MACROD2: variants seen among roughly 807,000 people sequenced by gnomAD.
The protein encoded by MACROD2 is ADP-ribose glycohydrolase MACROD2.
MACROD2 carries 36 observed loss-of-function variants against 70.4 expected under a neutral mutation model. That is an observed-to-expected ratio of 0.51 (90% CI 0.39 to 0.68). MACROD2 has a LOEUF of 0.68. Among genes scored for constraint, MACROD2 ranks in the 30% least tolerant of loss-of-function variants. The pLI, the probability that MACROD2 is intolerant of heterozygous loss-of-function variation, is 0.00. For missense variants in MACROD2, 496 were observed against 538.4 expected (o/e 0.92, Z 0.78); for synonymous variants, 172 against 178.8 (o/e 0.96, Z 0.30).
chr20:14,600,674 C>T (rs1252464663), intron 4 of MACROD2, among the ~76,000 whole-genome samples: 6 of 152,048 alleles, frequency 3.9e-5, no homozygotes, highest in East Asian at 3.9e-4. Flanking sequence ...AGGATTTGAA[C>T]GCAGGCACAC....
intron 8 of MACROD2, among the ~76,000 whole-genome samples, chr20:15,600,783 G>GA (rs542119687): frequency 2.6e-5 from 4 of 152,040 alleles, no homozygotes; most frequent in Non-Finnish European, 2.9e-5. Flanking sequence ...GATATCTGCA[G>GA]AAAAAAAATG....
intron 6 of MACROD2, among the ~76,000 whole-genome samples, chr20:15,392,169 T>A (rs1188500940): frequency 6.6e-6 from 1 of 152,194 alleles, no homozygotes; most frequent in Non-Finnish European, 1.5e-5. Context: ...AAAGGTACCA[T>A]TGCAAGAAGA....
At chr20:14,659,438 T>C (rs1239686285) in intron 4 of MACROD2, among the ~76,000 whole-genome samples, 1 of 152,174 alleles carries the variant, frequency 6.6e-6, no homozygotes, top group Non-Finnish European at 1.5e-5. Flanking sequence ...CCTTTCGATG[T>C]CTTTTGAGGG....
At chr20:14,960,560 T>G (rs1406919012) in intron 5 of MACROD2, among the ~76,000 whole-genome samples, 1 of 152,220 alleles carries the variant, frequency 6.6e-6, no homozygotes, top group Non-Finnish European at 1.5e-5. Flanking sequence ...CTGCAATGCA[T>G]CTACCATATT....
chr20:15,346,512 C>T (rs1052688559), intron 6 of MACROD2, among the ~76,000 whole-genome samples: 2 of 152,130 alleles, frequency 1.3e-5, no homozygotes, highest in Non-Finnish European at 2.9e-5. Context: ...CTGAACTAGG[C>T]TCTTTCCATT....
chr20:14,807,212 G>T (rs1195407671), intron 5 of MACROD2, among the ~76,000 whole-genome samples: 1 of 152,106 alleles, frequency 6.6e-6, no homozygotes, highest in Non-Finnish European at 1.5e-5. Context: ...CGTCTAGCAG[G>T]TGCCCCTCTG....
chr20:14,733,611 A>T (rs929120066), intron 5 of MACROD2, among the ~76,000 whole-genome samples: 4 of 152,338 alleles, frequency 2.6e-5, no homozygotes, highest in African/African-American at 7.2e-5. Flanking sequence ...AAATCTACAC[A>T]CAGATAACTC....
At chr20:15,485,767 G>A (rs1488799360) in intron 7 of MACROD2, among the ~76,000 whole-genome samples, 1 of 152,116 alleles carries the variant, frequency 6.6e-6, no homozygotes, top group African/African-American at 2.4e-5. Context: ...GTCTGTTTGA[G>A]GGAAATGGTA....
At chr20:14,685,752 C>G (rs1249623772) in intron 5 of MACROD2, among the ~76,000 whole-genome samples, 1 of 152,140 alleles carries the variant, frequency 6.6e-6, no homozygotes, top group Non-Finnish European at 1.5e-5. Flanking sequence ...TGTTGATTAT[C>G]ACATTCGTCC....
chr20:15,979,143 G>C (rs2066356666), intron 13 of MACROD2, among the ~76,000 whole-genome samples: 1 of 152,156 alleles, frequency 6.6e-6, no homozygotes, highest in South Asian at 2.1e-4. Flanking sequence ...AAGATGAGGG[G>C]TTATATAAGT....
At chr20:15,848,195 C>T (rs144028635) in intron 8 of MACROD2, among the ~76,000 whole-genome samples, 6 of 151,644 alleles carry the variant, frequency 4.0e-5, no homozygotes, top group African/African-American at 1.5e-4. Context: ...GTATCAATCA[C>T]TCTCTCTCTC....
At chr20:15,188,301 G>A (rs7269836) in intron 5 of MACROD2, among the ~76,000 whole-genome samples, 2,089 of 152,274 alleles carry the variant, frequency 0.014, 16 homozygotes, top group Middle Eastern at 0.037. Context: ...GGAGAAAGAA[G>A]TAGCAGATCA....
intron 4 of MACROD2, among the ~76,000 whole-genome samples, chr20:14,504,954 A>C (rs981925665): frequency 6.6e-6 from 1 of 152,290 alleles, no homozygotes; most frequent in South Asian, 2.1e-4. Context: ...ATATTGTTTA[A>C]AAATGTTGCA....
intron 3 of MACROD2, among the ~76,000 whole-genome samples, chr20:14,137,683 A>G (rs189378298): frequency 1.4e-4 from 22 of 152,314 alleles, no homozygotes; most frequent in Admixed American, 1.2e-3. Flanking sequence ...AAACTCCTAG[A>G]AGATAACATA....
At position 15,987,103 on chromosome 20, in the gene MACROD2, G is replaced by T. The variant is rs904167403; in HGVS notation, c.1098G>T (p.Glu366Asp). 27 of 1,611,894 alleles carry T rather than the reference G, an allele frequency of 1.7e-5. No individual in the cohort carries two copies. The highest frequency in any genetic ancestry group is 2.2e-5 in the Non-Finnish European group (26 of 1,179,584). ...SSNQEDAVIV[E>D]QPEVIPLTED... ...ACCAAGAAGATGCCGTGATTGTGGA[G>T]CAACCAGAAGTGATTCCATTAACAG... Residue 366 changes from glutamate to aspartate, a missense_variant, in exon 15 of 18, where the codon GAG becomes GAT. By Grantham distance (45) the Glu-to-Asp change is conservative. Coordinates refer to ENST00000684519, the MANE Select transcript of MACROD2 (RefSeq NM_001351661.2).
intron 8 of MACROD2, among the ~76,000 whole-genome samples, chr20:15,793,579 A>G (rs1039982595): frequency 6.6e-6 from 1 of 151,984 alleles, no homozygotes; most frequent in African/African-American, 2.4e-5. Context: ...AAAAAATTCT[A>G]CCAAATAAGA....
intron 5 of MACROD2, among the ~76,000 whole-genome samples, chr20:15,225,791 T>G (rs2076901053): frequency 6.6e-6 from 1 of 152,212 alleles, no homozygotes; most frequent in Non-Finnish European, 1.5e-5. Context: ...GACATTTAGC[T>G]GTTTCCCATC....
At chr20:14,437,209 G>A (rs2084065879) in intron 3 of MACROD2, among the ~76,000 whole-genome samples, 1 of 152,060 alleles carries the variant, frequency 6.6e-6, no homozygotes, top group African/African-American at 2.4e-5. Context: ...GCTTTCTACT[G>A]TTTCTCCCAA....
intron 8 of MACROD2, among the ~76,000 whole-genome samples, chr20:15,847,112 G>T (rs2064241844): frequency 1.3e-5 from 2 of 151,900 alleles, no homozygotes; most frequent in South Asian, 2.1e-4. Flanking sequence ...ATCATCAGTG[G>T]ATCTTTCCAA....
Sources: allele counts gnomAD v4.1 joint callset (sites outside exome capture counted in the v4.1 genomes callset), GRCh38; gene constraint gnomAD v4.1.1; transcripts MANE v1.5; gene names NCBI Gene and HGNC (gene_info 2026-07-23, HGNC 2026-07-21).